MYO3B: variants seen among roughly 807,000 people sequenced by gnomAD.
MYO3B encodes the protein myosin-IIIb.
In MYO3B, 156 loss-of-function variants were observed where a neutral mutation model predicts 174.6. That is an observed-to-expected ratio of 0.89 (90% CI 0.78 to 1.02). The LOEUF (loss-of-function observed/expected upper bound fraction) is 1.02, where lower values mean the gene tolerates loss of function less well. Among genes scored for constraint, MYO3B ranks in the 50% least tolerant of loss-of-function variants. The probability of loss-of-function intolerance (pLI) is 0.00; values close to 1 mark genes in which losing one functional copy is unlikely to be tolerated. For missense variants in MYO3B, 1,632 were observed against 1,639.4 expected (o/e 1.00, Z 0.08); for synonymous variants, 563 against 569.1 (o/e 0.99, Z 0.15).
intron 32 of MYO3B, among the ~76,000 whole-genome samples, chr2:170,544,765 A>G (rs1690368766): frequency 6.6e-6 from 1 of 152,144 alleles, no homozygotes. Flanking sequence ...TGGATCTTAA[A>G]CTCTTGGAGA....
At chr2:170,421,425 C>T (rs2094613927) in intron 22 of MYO3B, among the ~76,000 whole-genome samples, 1 of 152,168 alleles carries the variant, frequency 6.6e-6, no homozygotes, top group Admixed American at 6.5e-5. Context: ...GCAAACAGTA[C>T]ACTTGTGGCT....
At chr2:170,523,812 AT>A (rs1575113845) in intron 30 of MYO3B, among the ~76,000 whole-genome samples, 1 of 152,204 alleles carries the variant, frequency 6.6e-6, no homozygotes, top group African/African-American at 2.4e-5. Context: ...GTCTCTCTCC[AT>A]TTGCTAGGAG....
At chr2:170,468,264 G>A (rs1462456101) in intron 25 of MYO3B, among the ~76,000 whole-genome samples, 1 of 152,184 alleles carries the variant, frequency 6.6e-6, no homozygotes, top group East Asian at 1.9e-4. Context: ...GTGCTGTTTT[G>A]TAAACTCTTA....
chr2:170,577,940 A>G (rs1559131331), intron 32 of MYO3B, among the ~76,000 whole-genome samples: 1 of 152,232 alleles, frequency 6.6e-6, no homozygotes, highest in Non-Finnish European at 1.5e-5. Flanking sequence ...AAAGTGTTCT[A>G]GAACTGGAGG....
At chr2:170,310,665 C>CAAAGAAAAAAA (rs2093732701) in intron 7 of MYO3B, among the ~76,000 whole-genome samples, 1 of 61,458 alleles carries the variant, frequency 1.6e-5, no homozygotes, top group Non-Finnish European at 2.6e-5. Flanking sequence ...GACTCCATCT[C>CAAAGAAAAAAA]AAAAAAAAAA....
At chr2:170,180,429 T>G (rs747944074) in intron 1 of MYO3B, among the ~76,000 whole-genome samples, 49 of 152,108 alleles carry the variant, frequency 3.2e-4, no homozygotes, top group Non-Finnish European at 1.5e-5. Flanking sequence ...ATCCTCTTTG[T>G]CTCACTCTCT....
intron 8 of MYO3B, 59 bp downstream of exon 8, chr2:170,335,509 G>C (rs1322475653): frequency 1.3e-5 from 18 of 1,345,216 alleles, no homozygotes; most frequent in Non-Finnish European, 1.8e-5. Context: ...AGTGATTGGA[G>C]AAATCCAGGC....
chr2:170,534,576 G>A (rs1575128035), intron 30 of MYO3B, among the ~76,000 whole-genome samples: 1 of 152,146 alleles, frequency 6.6e-6, no homozygotes, highest in East Asian at 1.9e-4. Flanking sequence ...CACCGAAGTA[G>A]CTGGGACTAC....
intron 25 of MYO3B, among the ~76,000 whole-genome samples, chr2:170,478,080 A>G (rs1685424417): frequency 6.6e-6 from 1 of 152,294 alleles, no homozygotes; most frequent in African/African-American, 2.4e-5. Context: ...CGTCTCTACT[A>G]TTTTTTATCA....
chr2:170,184,949 C>T (rs866663015), intron 1 of MYO3B, among the ~76,000 whole-genome samples: 5 of 152,082 alleles, frequency 3.3e-5, no homozygotes, highest in South Asian at 2.1e-4. Context: ...TGATTTTGAG[C>T]ACCTTTTCAT....
At chr2:170,380,985 A>G (rs1050920671) in intron 9 of MYO3B, among the ~76,000 whole-genome samples, 6 of 152,298 alleles carry the variant, frequency 3.9e-5, no homozygotes, top group African/African-American at 1.4e-4. Flanking sequence ...GCCAGGCACA[A>G]TAGTGCATAC....
Position 170,217,346 on chromosome 2 carries a change from G to A in MYO3B, c.554G>A (p.Arg185His), listed in dbSNP as rs55911154. The change falls in exon 6 of 35, where the codon CGT becomes CAT. Residue 185 changes from arginine to histidine, a missense_variant. By Grantham distance (29) the Arg-to-His change is conservative (BLOSUM62 0). Coordinates refer to ENST00000408978, the MANE Select transcript of MYO3B (RefSeq NM_138995.5). ...GTTTCAGCTCAACTCACCAGTACAC[G>A]TCTGCGGAGAAACACATCTGTTGGC... ...FGVSAQLTST[R>H]LRRNTSVGTP... 8,810 of 1,614,032 alleles carry A rather than the reference G, an allele frequency of 5.5e-3. 39 individuals are homozygous for A. The highest frequency in any genetic ancestry group is 5.8e-3 in the Non-Finnish European group (6,834 of 1,179,918).
chr2:170,417,208 C>T (rs145327000), intron 22 of MYO3B, among the ~76,000 whole-genome samples: 287 of 152,110 alleles, frequency 1.9e-3, no homozygotes, highest in Non-Finnish European at 2.3e-3. Context: ...GGAAAGTAGC[C>T]CCTCTCTTCC....
At chr2:170,188,738 A>G (rs2092501966) in intron 1 of MYO3B, among the ~76,000 whole-genome samples, 1 of 152,152 alleles carries the variant, frequency 6.6e-6, no homozygotes. Flanking sequence ...GCAAAGAGAA[A>G]TTAATGAGAA....
intron 30 of MYO3B, among the ~76,000 whole-genome samples, chr2:170,537,318 C>T (rs1689775079): frequency 6.6e-6 from 1 of 151,790 alleles, no homozygotes; most frequent in Non-Finnish European, 1.5e-5. Context: ...CACTGTACTC[C>T]ATCCTGGGTG....
At chr2:170,554,439 G>A (rs1464172082) in intron 32 of MYO3B, among the ~76,000 whole-genome samples, 4 of 152,214 alleles carry the variant, frequency 2.6e-5, no homozygotes, top group African/African-American at 9.6e-5. Context: ...GAGGAGCTGA[G>A]GCTAGAGGAG....
At chr2:170,178,921 G>A (rs756605367) in intron 1 of MYO3B, among the ~76,000 whole-genome samples, 1 of 152,156 alleles carries the variant, frequency 6.6e-6, no homozygotes, top group Admixed American at 6.5e-5. Flanking sequence ...GTAAACAATA[G>A]TAGATAAATT....
intron 7 of MYO3B, among the ~76,000 whole-genome samples, chr2:170,256,113 A>G (rs1053558663): frequency 6.6e-6 from 1 of 152,200 alleles, no homozygotes; most frequent in African/African-American, 2.4e-5. Flanking sequence ...AAAAATGAAC[A>G]AAGCCTTTGA....
chr2:170,414,537 T>C (rs1306529021), intron 22 of MYO3B, among the ~76,000 whole-genome samples: 1 of 152,184 alleles, frequency 6.6e-6, no homozygotes, highest in African/African-American at 2.4e-5. Flanking sequence ...TTATTCTTCT[T>C]TTTCAAAATG....
Sources: allele counts gnomAD v4.1 joint callset (sites outside exome capture counted in the v4.1 genomes callset), GRCh38; gene constraint gnomAD v4.1.1; transcripts MANE v1.5; gene names NCBI Gene and HGNC (gene_info 2026-07-23, HGNC 2026-07-21).